The following MYH15 variants were observed in gnomAD, a reference collection of about 807,000 sequenced individuals.
MYH15 encodes myosin heavy chain 15.
In MYH15, 227 loss-of-function variants were observed where a neutral mutation model predicts 240.5. That is an observed-to-expected ratio of 0.94 (90% CI 0.85 to 1.05). MYH15 has a LOEUF of 1.05. Ranked by LOEUF, MYH15 falls within the 50% of genes least tolerant of loss-of-function variation. The pLI, the probability that MYH15 is intolerant of heterozygous loss-of-function variation, is 0.00. For missense variants in MYH15, 2,217 were observed against 2,247.5 expected, an observed-to-expected ratio of 0.99 and a Z score of 0.27; for synonymous variants, 785 against 796.7, an observed-to-expected ratio of 0.99 and a Z score of 0.25.
rs764564051 is a variant in MYH15, at chr3:108,383,636, C to G, written c.5725G>C (p.Val1909Leu). Residue 1909 changes from valine (V) to leucine (L), a missense_variant, in exon 40 of 41, where the codon GTC becomes CTC. Transcript: ENST00000693548. ...CTTGCTTTAATTTTGAGTTTATTGA[C>G]TTGAGATTCTGCCACCTCTGCCCTT... Reference protein sequence around the residue: ...KERAEVAESQVNKLKIKAREF... With the variant: ...KERAEVAESQLNKLKIKAREF... 1 of 1,612,810 alleles carries G rather than the reference C, an allele frequency of 6.2e-7. No homozygotes were observed. Among genetic ancestry groups the G allele is most frequent in the South Asian group, 1.1e-5 (1 of 91,012 alleles).
chr3:108,498,048 T>C lies in MYH15; in HGVS notation c.618+4A>G, dbSNP rs1169353966. 1.9e-6 allele frequency: 3 copies of C among 1,613,398 alleles called. No individual in the cohort carries two copies. The highest frequency in any genetic ancestry group is 1.3e-5 in the African/African-American group (1 of 75,026). On this transcript the variant is annotated splice_donor_region_variant and intron_variant, in intron 6 of 40. Transcript: ENST00000693548. ...CTTTTCTACCAAGCTATATAAACAC[T>C]TACCTGCTTTTTCCTGGATTCAATC...
rs2083165179 is a variant in MYH15 at position 108,470,697 on chromosome 3, C to T, written c.1383+1G>A. 3.1e-6 allele frequency: 5 copies of T among 1,613,284 alleles called. No homozygotes were observed. The highest frequency in any genetic ancestry group is 4.2e-6 in the Non-Finnish European group (5 of 1,179,646). The stretch of plus-strand genomic sequence containing the variant: ...ACTTCCTTCTTACCAGATACACTTA[C>T]CTCAAGGATTTCAAAACCAGTGATG... On this transcript the variant is annotated splice_donor_variant, in intron 13 of 40. Transcript: ENST00000693548. LOFTEE classifies it high-confidence loss of function.
intron 16 of MYH15, among the ~76,000 whole-genome samples, chr3:108,462,538 TAA>T (rs1490842142): frequency 6.6e-6 from 1 of 152,048 alleles, no homozygotes; most frequent in African/African-American, 2.4e-5. Context: ...GTATATATCT[TAA>T]AGTGTCAGGT....
At chr3:108,504,164 G>A (rs918285788) in intron 2 of MYH15, among the ~76,000 whole-genome samples, 5 of 152,188 alleles carry the variant, frequency 3.3e-5, no homozygotes, top group African/African-American at 9.7e-5. Flanking sequence ...AGAAGGGGGA[G>A]TGACTGCTAA....
At position 108,380,879 on chromosome 3, in the gene MYH15, C is replaced by G. The variant is rs144204922; in HGVS notation, c.*666G>C. 4.2e-3 allele frequency: 640 copies of G among 152,526 alleles called. 9 individuals are homozygous for G. Among genetic ancestry groups the G allele is most frequent in the African/African-American group, 0.015 (620 of 41,572 alleles). The allele number at this position is 152,526 out of a possible 1,614,324, so 9.4% of individuals were successfully genotyped here. The stretch of plus-strand genomic sequence containing the variant: ...GGAATTCCGGGACATGTTCCTCCAG[C>G]TGAGCCAAATCGGTACTGCACAAAT... On this transcript the variant is annotated 3_prime_UTR_variant, in exon 41 of 41. Transcript: ENST00000693548.
At chr3:108,473,028 G>A (rs1377815213) in intron 12 of MYH15, among the ~76,000 whole-genome samples, 1 of 152,126 alleles carries the variant, frequency 6.6e-6, no homozygotes, top group Non-Finnish European at 1.5e-5. Context: ...TTGTTTTTGA[G>A]ACAGAGTGTT....
chr3:108,430,746 C>A (rs143557994), intron 26 of MYH15, 86 bp downstream of exon 26: 9 of 1,063,178 alleles, frequency 8.5e-6, no homozygotes, highest in African/African-American at 4.7e-5. Flanking sequence ...GGTATGAATA[C>A]CTTGGCAGAG....
Position 108,408,463 on chromosome 3 carries a change from T to C in MYH15, c.4496-59A>G. On this transcript the variant is annotated intron_variant, in intron 31 of 40. Coordinates refer to ENST00000693548, the MANE Select transcript of MYH15 (RefSeq NM_014981.3). Reference sequence around the variant, plus strand: ...AATGGGCTCAGTCTCAAACCAATGATACCAGGCACAACAGATTCTTCCAGC... The same window carrying C: ...AATGGGCTCAGTCTCAAACCAATGACACCAGGCACAACAGATTCTTCCAGC... The C allele has an allele frequency of 2.6e-6, 4 of 1,515,626 alleles. No homozygotes were observed. The Admixed American group carries it at 7.8e-5, about 30-fold the overall frequency. The allele number at this position is 1,515,626 out of a possible 1,614,324, so 93.9% of individuals were successfully genotyped here.
chr3:108,417,218 G>A (rs972776709), intron 28 of MYH15, among the ~76,000 whole-genome samples: 1 of 152,090 alleles, frequency 6.6e-6, no homozygotes, highest in African/African-American at 2.4e-5. Context: ...GGTACTTAAC[G>A]TATGTTATCT....
intron 31 of MYH15, among the ~76,000 whole-genome samples, chr3:108,408,755 T>A (rs994608691): frequency 7.2e-5 from 11 of 152,198 alleles, no homozygotes; most frequent in Non-Finnish European, 1.5e-4. Context: ...ACCCTTCCAG[T>A]GTAAGTGCTT....
intron 21 of MYH15, among the ~76,000 whole-genome samples, chr3:108,445,404 G>A (rs1236799850): frequency 4.6e-5 from 7 of 152,088 alleles, no homozygotes; most frequent in Admixed American, 1.3e-4. Flanking sequence ...TGGTGTGAGT[G>A]AAGACAAATC....
In MYH15 at chr3:108,510,527, C is replaced by A. The variant is rs779875755; in HGVS notation, c.4G>T (p.Asp2Tyr). Residue 2 changes from aspartate (D) to tyrosine (Y), a missense_variant, in exon 1 of 41, where the codon GAT becomes TAT. Coordinates refer to ENST00000693548, the MANE Select transcript of MYH15 (RefSeq NM_014981.3). ...GCGGCTTCTCCAAGGTCTGACAGAT[C>A]CATCTTTATTAAAGCAATCCACCAA... MDLSDLGEAAAF... is the reference protein window; with the variant it reads MYLSDLGEAAAF... The A allele has an allele frequency of 3.7e-6, 6 of 1,613,434 alleles. No individual in the cohort carries two copies. Among genetic ancestry groups the A allele is most frequent in the Non-Finnish European group, 5.1e-6 (6 of 1,179,680 alleles).
chr3:108,549,528 T>C, the MYH15 span, among the ~76,000 whole-genome samples: 15 of 152,204 alleles, frequency 9.9e-5, 1 homozygote, highest in Admixed American at 6.5e-4. Context: ...ATTATTTATA[T>C]AGATCTTTAA....
intron 28 of MYH15, among the ~76,000 whole-genome samples, chr3:108,418,995 C>T (rs558142006): frequency 6.6e-5 from 10 of 152,244 alleles, no homozygotes; most frequent in South Asian, 2.1e-4. Flanking sequence ...TCAAGTGATC[C>T]GCCTACCTCG....
chr3:108,464,406 T>A (rs2083096302), intron 15 of MYH15, among the ~76,000 whole-genome samples: 1 of 152,170 alleles, frequency 6.6e-6, no homozygotes, highest in Admixed American at 6.5e-5. Flanking sequence ...TTGCTTTGAG[T>A]TGAGGTTGAC....
rs558541671 is a variant in MYH15, at chr3:108,432,732, A to G, written c.3222-1810T>C. 1.2e-4 allele frequency among the ~76,000 whole-genome samples: 19 copies of G among 152,312 alleles called. No homozygotes were observed. In the South Asian group the frequency reaches 3.9e-3, roughly 32 times the overall value. On this transcript the variant is annotated intron_variant, in intron 25 of 40. Coordinates refer to ENST00000693548, the MANE Select transcript of MYH15 (RefSeq NM_014981.3). ...CTTGGGTCATGGCTTCAGAGGGTGC[A>G]AGCCCCAAGCCTTGGCAACTTCCAC...
chr3:108,550,988 T>C, the MYH15 span: 3 of 394,596 alleles, frequency 7.6e-6, no homozygotes, highest in Non-Finnish European at 1.3e-5. Context: ...CTATTCAAAC[T>C]ATCAAATAAA....
chr3:108,481,781 T>C (rs1323162805), intron 11 of MYH15, among the ~76,000 whole-genome samples: 2 of 152,154 alleles, frequency 1.3e-5, no homozygotes, highest in Non-Finnish European at 1.5e-5. Context: ...GCAAACATAA[T>C]TGCGGTTTTT....
chr3:108,391,826 C>A lies in MYH15; in HGVS notation c.5364G>T (p.Arg1788Ser). Residue 1788 changes from arginine to serine, a missense_variant, in exon 37 of 41, where the codon AGG (arginine) becomes AGT (serine). Coordinates refer to ENST00000693548, the MANE Select transcript of MYH15 (RefSeq NM_014981.3). ...MEQTITDLQK[R>S]LAEAEQMALM... ...GGGCCATCTGTTCAGCTTCAGCCAG[C>A]CTTTTCTGTAAGTCTGTAATTGTCT... is the stretch of plus-strand genomic sequence containing the variant. 4 of 1,614,050 alleles carry A rather than the reference C, an allele frequency of 2.5e-6. No individual in the cohort carries two copies. Among genetic ancestry groups the A allele is most frequent in the Non-Finnish European group, 3.4e-6 (4 of 1,179,988 alleles).
Sources: gnomAD v4.1 joint callset for allele counts (sites outside exome capture counted in the v4.1 genomes callset) on GRCh38, gnomAD v4.1.1 for gene constraint, MANE v1.5 for transcripts, NCBI Gene and HGNC (gene_info 2026-07-23, HGNC 2026-07-21) for gene names.